The following DUSP23 variants were observed in gnomAD, a reference collection of about 807,000 sequenced individuals.
DUSP23 encodes dual specificity phosphatase 23.
Under a neutral mutation model 13.3 loss-of-function variants are expected in DUSP23, and 10 were observed. The ratio of observed to expected loss-of-function variants is 0.75; its 90% CI spans 0.46 to 1.27. DUSP23 has a LOEUF of 1.27. Ranked by LOEUF, DUSP23 falls within the 50% of genes most tolerant of loss-of-function variation. DUSP23 has a pLI of 0.00. For synonymous variants in DUSP23, 107 were observed against 95.3 expected, an observed-to-expected ratio of 1.12 and a Z score of -0.72; for missense variants, 228 against 204.8, an observed-to-expected ratio of 1.11 and a Z score of -0.69.
At position 159,781,076 on chromosome 1, in the gene DUSP23, C is replaced by G. The variant is rs1467408704; in HGVS notation, c.-25C>G. The G allele has an allele frequency of 1.3e-6, 2 of 1,532,138 alleles. No homozygotes were observed. The highest frequency in any genetic ancestry group is 4.0e-5 in the Admixed American group (2 of 50,504). The allele number at this position is 1,532,138 out of a possible 1,614,324, so 94.9% of individuals were successfully genotyped here. A position where few individuals can be genotyped will look rare whatever the true frequency, so the allele number is the denominator to read the frequency against. On this transcript the variant is annotated 5_prime_UTR_variant, in exon 1 of 2. Transcript: ENST00000368107. ...CTGGCCAGCCTCGGCCCCCATGACC[C>G]GCTGTCCTGTGCCCTTTCCCAGCGA... is the stretch of plus-strand genomic sequence containing the variant.
Position 159,781,233 on chromosome 1 carries a change from C to A in DUSP23, c.133C>A (p.Arg45Ser), listed in dbSNP as rs760018392. Residue 45 changes from arginine to serine, a missense_variant, in exon 1 of 2, where the codon CGC (arginine) becomes AGC (serine). Arg to Ser is a moderately radical substitution (Grantham distance 110). Coordinates refer to ENST00000368107, the MANE Select transcript of DUSP23 (RefSeq NM_001319658.2). ...GCGGCACCTGGTGTCCCTGACGGAG[C>A]GCGGGCCCCCTCACAGCGACAGCTG... is the stretch of plus-strand genomic sequence containing the variant. ...GVRHLVSLTE[R>S]GPPHSDSCPG... 3.3e-5 allele frequency: 51 copies of A among 1,549,016 alleles called. No homozygotes were observed. The East Asian group carries it at 1.2e-3, about 37-fold the overall frequency.
chr1:159,781,421 A>G, intron 1 of DUSP23, 54 bp downstream of exon 1: 1 of 1,445,446 alleles, frequency 6.9e-7, no homozygotes, highest in South Asian at 1.4e-5. Context: ...TCAGCGGGGG[A>G]CACGGGCGGA....
rs1259025785 is a variant in DUSP23 at position 159,781,313 on chromosome 1, C to A, written c.213C>A (p.Pro71=). ...TCCCCGACTTCTGCCCGCCGGCCCC[C>A]GACCAGATCGACCGCTTCGTGCAGA... is the stretch of plus-strand genomic sequence containing the variant. ...LRIPDFCPPA[P]DQIDRFVQIV... is the part of the protein sequence containing the mutation. The change falls in exon 1 of 2, where the codon CCC becomes CCA. Residue 71 remains proline (P), a synonymous_variant. Transcript: ENST00000368107. 6.5e-7 allele frequency: 1 copy of A among 1,545,394 alleles called. No individual in the cohort carries two copies. Among genetic ancestry groups the A allele is most frequent in the Non-Finnish European group, 8.7e-7 (1 of 1,144,762 alleles).
Position 159,781,263 on chromosome 1 carries a change from G to A in DUSP23, c.163G>A (p.Gly55Ser). ...GCCCCCTCACAGCGACAGCTGCCCC[G>A]GCCTCACCCTGCACCGCCTGCGCAT... is the stretch of plus-strand genomic sequence containing the variant. ...RGPPHSDSCP[G>S]LTLHRLRIPD... The change falls in exon 1 of 2, where the codon GGC becomes AGC. Residue 55 changes from glycine to serine, a missense_variant. Gly to Ser is a moderately conservative substitution (Grantham distance 56). Coordinates refer to ENST00000368107, the MANE Select transcript of DUSP23 (RefSeq NM_001319658.2). The A allele has an allele frequency of 6.5e-7, 1 of 1,548,708 alleles. No homozygotes were observed. The highest frequency in any genetic ancestry group is 8.7e-7 in the Non-Finnish European group (1 of 1,146,258).
In DUSP23 at chr1:159,781,277, C is replaced by A; in HGVS notation, c.177C>A (p.His59Gln). Residue 59 changes from histidine to glutamine, a missense_variant, in exon 1 of 2, where the codon CAC (histidine) becomes CAA (glutamine). Physicochemically the swap from His to Gln is conservative, Grantham distance 24. Transcript: ENST00000368107. ...HSDSCPGLTL[H>Q]RLRIPDFCPP... ...ACAGCTGCCCCGGCCTCACCCTGCA[C>A]CGCCTGCGCATCCCCGACTTCTGCC... 5.2e-6 allele frequency: 8 copies of A among 1,547,996 alleles called. No individual in the cohort carries two copies. The highest frequency in any genetic ancestry group is 1.2e-5 in the South Asian group (1 of 83,860).
At chr1:159,781,460 A>C (rs1394942763) in intron 1 of DUSP23, 93 bp downstream of exon 1, 3 of 1,397,258 alleles carry the variant, frequency 2.1e-6, no homozygotes, top group Non-Finnish European at 2.8e-6. Context: ...GGGATAACTT[A>C]ACTGGGCTCG....
intron 1 of DUSP23, among the ~76,000 whole-genome samples, 164 bp from the exon 2 acceptor site, chr1:159,781,988 GC>G (rs1028548599): frequency 1.3e-5 from 2 of 152,168 alleles, no homozygotes. Flanking sequence ...ACCAGCCAGT[GC>G]AGAGGCCTCC....
At position 159,781,198 on chromosome 1, in the gene DUSP23, A is replaced by G. The variant is rs1661855859; in HGVS notation, c.98A>G (p.Asp33Gly). The change falls in exon 1 of 2, where the codon GAC becomes GGC. Residue 33 changes from aspartate (D) to glycine (G), a missense_variant. Physicochemically the swap from Asp to Gly is moderately conservative, Grantham distance 94. Transcript: ENST00000368107. ...RLPAHYQFLL[D>G]LGVRHLVSLT... ...CCCGCCCACTACCAGTTCCTGTTGG[A>G]CCTGGGCGTGCGGCACCTGGTGTCC... 1.9e-5 allele frequency: 30 copies of G among 1,549,420 alleles called. No individual in the cohort carries two copies. Among genetic ancestry groups the G allele is most frequent in the Non-Finnish European group, 2.6e-5 (30 of 1,146,488 alleles).
Position 159,781,064 on chromosome 1 carries a change from G to T in DUSP23, c.-37G>T. On this transcript the variant is annotated 5_prime_UTR_variant, in exon 1 of 2. Coordinates refer to ENST00000368107, the MANE Select transcript of DUSP23 (RefSeq NM_001319658.2). ...GGCGGAGCGGGGCTGGCCAGCCTCG[G>T]CCCCCATGACCCGCTGTCCTGTGCC... 1.3e-6 allele frequency: 2 copies of T among 1,513,698 alleles called. No homozygotes were observed. The highest frequency in any genetic ancestry group is 1.8e-6 in the Non-Finnish European group (2 of 1,134,124). The allele number at this position is 1,513,698 out of a possible 1,614,324, so 93.8% of individuals were successfully genotyped here. A position where few individuals can be genotyped will look rare whatever the true frequency, so the allele number is the denominator to read the frequency against.
At chr1:159,781,497 C>A in intron 1 of DUSP23, 130 bp downstream of exon 1, 1 of 1,260,330 alleles carries the variant, frequency 7.9e-7, no homozygotes, top group Non-Finnish European at 1.1e-6. Flanking sequence ...GGCCGGGAGA[C>A]TGGGAAGCCA....
chr1:159,781,850 C>G (rs1238473005), intron 1 of DUSP23, among the ~76,000 whole-genome samples: 1 of 152,166 alleles, frequency 6.6e-6, no homozygotes, highest in Non-Finnish European at 1.5e-5. Flanking sequence ...TACCCTGTTG[C>G]GTTTTTCACA....
chr1:159,781,012 G>T lies in DUSP23; in HGVS notation c.-89G>T. The T allele has an allele frequency of 7.0e-7, 1 of 1,428,702 alleles. No individual in the cohort carries two copies. Among genetic ancestry groups the T allele is most frequent in the Non-Finnish European group, 9.2e-7 (1 of 1,089,178 alleles). 88.5% of individuals were successfully genotyped at this position (1,428,702 alleles called of 1,614,324 possible). A position where few individuals can be genotyped will look rare whatever the true frequency, so the allele number is the denominator to read the frequency against. On this transcript the variant is annotated 5_prime_UTR_variant, in exon 1 of 2. Coordinates refer to ENST00000368107, the MANE Select transcript of DUSP23 (RefSeq NM_001319658.2). The stretch of plus-strand genomic sequence containing the variant: ...AGGCCAGGTAGGTGGTGAGTTACTT[G>T]GCTCGGAGCGGGCGAGGGGACGCGT...
rs1320301120 is a variant in DUSP23 at position 159,781,380 on chromosome 1, G to C, written c.267+13G>C. On this transcript the variant is annotated intron_variant, in intron 1 of 1. Transcript: ENST00000368107. ...CGCACGGGGAGAGGTCAGCGGGCGG[G>C]GTCAGCGCAGGGAGGGAGGGGCCTG... 1.3e-6 allele frequency: 2 copies of C among 1,490,844 alleles called. No individual in the cohort carries two copies. The highest frequency in any genetic ancestry group is 4.2e-5 in the Admixed American group (2 of 47,160). The allele number at this position is 1,490,844 out of a possible 1,614,324, so 92.4% of individuals were successfully genotyped here. A position where few individuals can be genotyped will look rare whatever the true frequency, so the allele number is the denominator to read the frequency against.
chr1:159,781,514 G>C (rs1361591105), intron 1 of DUSP23, 147 bp downstream of exon 1: 3 of 1,152,036 alleles, frequency 2.6e-6, no homozygotes, highest in Non-Finnish European at 3.5e-6. Flanking sequence ...GCCAGTGCGG[G>C]GGAGGGAAGC....
Position 159,782,375 on chromosome 1 carries a change from C to G in DUSP23, c.*37C>G. 6.2e-7 allele frequency: 1 copy of G among 1,605,188 alleles called. No homozygotes were observed. Among genetic ancestry groups the G allele is most frequent in the Non-Finnish European group, 8.5e-7 (1 of 1,173,778 alleles). On this transcript the variant is annotated 3_prime_UTR_variant, in exon 2 of 2. Coordinates refer to ENST00000368107, the MANE Select transcript of DUSP23 (RefSeq NM_001319658.2). ...ACCCTTCTACCAGGCCCTCACTCCC[C>G]TTCCCCATGTTGTCGATGGGGCCAG...
chr1:159,781,861 C>G (rs936364400), intron 1 of DUSP23, among the ~76,000 whole-genome samples: 6 of 152,198 alleles, frequency 3.9e-5, no homozygotes, highest in African/African-American at 1.4e-4. Flanking sequence ...GTTTTTCACA[C>G]TACATCTCAG....
intron 1 of DUSP23, 55 bp from the exon 2 acceptor site, chr1:159,782,098 G>A (rs1661890107): frequency 1.9e-6 from 3 of 1,592,256 alleles, no homozygotes; most frequent in South Asian, 2.2e-5. Context: ...TGAGGGGCAG[G>A]AAACAGTTGT....
At position 159,781,135 on chromosome 1, in the gene DUSP23, T is replaced by C. The variant is rs1429129102; in HGVS notation, c.35T>C (p.Leu12Pro). ...GVQPPNFSWV[L>P]PGRLAGLALP... ...CAGCCCCCCAACTTCTCCTGGGTGC[T>C]TCCGGGCCGGCTGGCGGGACTGGCG... is the stretch of plus-strand genomic sequence containing the variant. Residue 12 changes from leucine to proline, a missense_variant, in exon 1 of 2, where the codon CTT becomes CCT. Transcript: ENST00000368107. 1.9e-6 allele frequency: 3 copies of C among 1,548,570 alleles called. No individual in the cohort carries two copies. The African/African-American group carries it at 4.1e-5, about 21-fold the overall frequency.
intron 1 of DUSP23, 124 bp downstream of exon 1, chr1:159,781,491 G>A (rs1661870880): frequency 5.5e-6 from 7 of 1,283,454 alleles, no homozygotes; most frequent in Non-Finnish European, 7.2e-6. Context: ...CAGTAGGGCC[G>A]GGAGACTGGG....
Sources: gnomAD v4.1 joint callset for allele counts (sites outside exome capture counted in the v4.1 genomes callset) on GRCh38, gnomAD v4.1.1 for gene constraint, MANE v1.5 for transcripts, NCBI Gene and HGNC (gene_info 2026-07-23, HGNC 2026-07-21) for gene names.